The following F11R variants were observed in gnomAD, a reference collection of about 807,000 sequenced individuals.
F11R encodes the protein junctional adhesion molecule A.
In F11R, 27 loss-of-function variants were observed where a neutral mutation model predicts 39.3. The observed-to-expected ratio is 0.69, with a 90% CI of 0.51 to 0.95. The LOEUF is 0.95. Ranked by LOEUF, F11R falls within the 40% of genes least tolerant of loss-of-function variation. The probability of loss-of-function intolerance (pLI) is 0.00; values close to 1 mark genes in which losing one functional copy is unlikely to be tolerated. For synonymous variants in F11R, 131 were observed against 144.9 expected (o/e 0.90, Z 0.69); for missense variants, 335 against 372.7 (o/e 0.90, Z 0.83).
intron 1 of F11R, among the ~76,000 whole-genome samples, chr1:161,010,730 A>G (rs897044605): frequency 6.6e-6 from 1 of 152,042 alleles, no homozygotes; most frequent in African/African-American, 2.4e-5. Context: ...TCACGCCTGT[A>G]ATCCCAGCAC....
At chr1:160,999,447 C>A (rs1486417125) in intron 7 of F11R, 39 bp from the exon 8 acceptor site, 1 of 1,614,132 alleles carries the variant, frequency 6.2e-7, no homozygotes, top group Admixed American at 1.7e-5. Context: ...GTCAGCAGGA[C>A]AGAAGACAGC....
At chr1:161,002,962 T>C (rs1023042273) in intron 1 of F11R, among the ~76,000 whole-genome samples, 3 of 151,238 alleles carry the variant, frequency 2.0e-5, no homozygotes, top group African/African-American at 7.3e-5. Flanking sequence ...ATTTGTTTTT[T>C]TTTTTTTTGA....
chr1:161,004,390 T>C (rs2774274), intron 1 of F11R, among the ~76,000 whole-genome samples: 38,241 of 152,010 alleles, frequency 0.25, 5,102 homozygotes, highest in Middle Eastern at 0.29. Context: ...CGAAACCTTA[T>C]CGCTACTAAA....
chr1:160,998,946 C>A lies in F11R; in HGVS notation c.865-40G>T, dbSNP rs745871866. The A allele has an allele frequency of 6.2e-6, 10 of 1,613,874 alleles. No homozygotes were observed. The South Asian group carries it at 9.9e-5, about 16-fold the overall frequency. The stretch of plus-strand genomic sequence containing the variant: ...CATCCAGTCAACTCTCAATAGTCTT[C>A]TTTAGCTGATAATCCCCAAAACACA... On this transcript the variant is annotated intron_variant, in intron 9 of 9. Transcript: ENST00000368026.
chr1:161,006,335 A>G lies in F11R; in HGVS notation c.65-4982T>C, dbSNP rs548891469. Among the ~76,000 whole-genome samples the G allele has an allele frequency of 2.6e-5, 4 of 152,252 alleles. No homozygotes were observed. In the South Asian group the frequency reaches 8.3e-4, roughly 32 times the overall value. ...TCTTGTATGATTATTGACATCTCAG[A>G]GTCAGCTTCCCAAGAACCCAACCTA... is the stretch of plus-strand genomic sequence containing the variant. On this transcript the variant is annotated intron_variant, in intron 1 of 9. Transcript: ENST00000368026.
intron 1 of F11R, among the ~76,000 whole-genome samples, chr1:161,008,299 T>C (rs750715996): frequency 3.7e-4 from 56 of 151,946 alleles, no homozygotes; most frequent in Admixed American, 1.0e-3. Flanking sequence ...ATCAAGACCA[T>C]CTTGGCTAAC....
chr1:161,008,973 T>C (rs1648978285), intron 1 of F11R, among the ~76,000 whole-genome samples: 1 of 152,224 alleles, frequency 6.6e-6, no homozygotes, highest in African/African-American at 2.4e-5. Flanking sequence ...GTTCCAGCAC[T>C]ATCTGACCCC....
intron 1 of F11R, among the ~76,000 whole-genome samples, chr1:161,010,440 T>TAAAAAA (rs1649078749): frequency 1.4e-4 from 1 of 6,946 alleles, no homozygotes. Flanking sequence ...CGAGACTCCA[T>TAAAAAA]CAAAAAAAAA....
intron 1 of F11R, among the ~76,000 whole-genome samples, chr1:161,008,062 G>T (rs985967881): frequency 6.6e-6 from 1 of 152,110 alleles, no homozygotes; most frequent in Non-Finnish European, 1.5e-5. Flanking sequence ...ACTGATGTAC[G>T]TGGTAAACGA....
At chr1:161,004,546 CA>C (rs879627643) in intron 1 of F11R, among the ~76,000 whole-genome samples, 140 of 136,942 alleles carry the variant, frequency 1.0e-3, no homozygotes, top group Middle Eastern at 3.6e-3. Flanking sequence ...GACTCCGTCT[CA>C]AAAAAAAAAA....
At chr1:161,000,543 C>A in intron 4 of F11R, 88 bp downstream of exon 4, 1 of 1,570,784 alleles carries the variant, frequency 6.4e-7, no homozygotes. Context: ...TGTGGGTATT[C>A]TCACCATCAA....
chr1:161,020,609 G>C (rs900469043), intron 1 of F11R, among the ~76,000 whole-genome samples: 2 of 152,228 alleles, frequency 1.3e-5, no homozygotes, highest in African/African-American at 4.8e-5. Flanking sequence ...TGCGCAGCGG[G>C]GTTCGTGGAT....
Position 161,020,994 on chromosome 1 carries a change from A to G in F11R, c.64+16T>C. 6.2e-7 allele frequency: 1 copy of G among 1,613,856 alleles called. No homozygotes were observed. Among genetic ancestry groups the G allele is most frequent in the South Asian group, 1.1e-5 (1 of 91,062 alleles). On this transcript the variant is annotated intron_variant, in intron 1 of 9. Coordinates refer to ENST00000368026, the MANE Select transcript of F11R (RefSeq NM_016946.6). ...GACCCGACCAACCGATTCCTCCCGA[A>G]ACTCTGGGAACTTACACAACAGGAT...
At chr1:161,001,440 T>G in intron 1 of F11R, 87 bp from the exon 2 acceptor site, 1 of 1,145,886 alleles carries the variant, frequency 8.7e-7, no homozygotes, top group South Asian at 1.3e-5. Flanking sequence ...GGACAGGGCT[T>G]CTCCATTCAC....
At position 161,001,493 on chromosome 1, in the gene F11R, C is replaced by T; in HGVS notation, c.65-140G>A. 7.5e-6 allele frequency: 5 copies of T among 669,822 alleles called. No individual in the cohort carries two copies. In the South Asian group the frequency reaches 7.5e-5, roughly 10 times the overall value. The allele number at this position is 669,822 out of a possible 1,614,324, so 41.5% of individuals were successfully genotyped here. A position where few individuals can be genotyped will look rare whatever the true frequency, so the allele number is the denominator to read the frequency against. ...GATTCCAGACTTATGCTCCCTCTGG[C>T]TCTCACACTTTGTCACCATGATCCT... On this transcript the variant is annotated intron_variant, in intron 1 of 9. Transcript: ENST00000368026.
intron 9 of F11R, 62 bp downstream of exon 9, chr1:160,998,981 G>A (rs1269830091): frequency 1.1e-5 from 18 of 1,613,312 alleles, no homozygotes; most frequent in South Asian, 1.1e-4. Context: ...ATAAACATGG[G>A]CTAGAAATCT....
intron 1 of F11R, among the ~76,000 whole-genome samples, chr1:161,020,005 C>T (rs920800421): frequency 2.0e-5 from 3 of 152,036 alleles, no homozygotes; most frequent in Non-Finnish European, 4.4e-5. Context: ...AAACAAGAAC[C>T]TTGGGGGTGG....
At chr1:161,003,403 G>A (rs905622857) in intron 1 of F11R, among the ~76,000 whole-genome samples, 9 of 151,946 alleles carry the variant, frequency 5.9e-5, no homozygotes, top group East Asian at 3.9e-4. Context: ...GATTACAGGC[G>A]TGATTAAGCC....
At chr1:161,008,679 A>C (rs1476816772) in intron 1 of F11R, among the ~76,000 whole-genome samples, 6 of 152,208 alleles carry the variant, frequency 3.9e-5, no homozygotes, top group Admixed American at 1.3e-4. Flanking sequence ...TTACATGGGG[A>C]AACTGAGGCC....
Sources: gnomAD v4.1 joint callset for allele counts (sites outside exome capture counted in the v4.1 genomes callset) on GRCh38, gnomAD v4.1.1 for gene constraint, MANE v1.5 for transcripts, NCBI Gene and HGNC (gene_info 2026-07-23, HGNC 2026-07-21) for gene names.